The following STAB2 variants were observed in gnomAD, a reference collection of about 807,000 sequenced individuals.
The protein encoded by STAB2 is stabilin 2.
Under a neutral mutation model 338.1 loss-of-function variants are expected in STAB2, and 288 were observed. The observed-to-expected ratio is 0.85, with a 90% confidence interval of 0.77 to 0.94. STAB2 has a LOEUF of 0.94. Ranked by LOEUF, STAB2 falls within the 40% of genes least tolerant of loss-of-function variation. STAB2 has a pLI of 0.00. For missense variants in STAB2, 3,141 were observed against 3,210.1 expected (o/e 0.98, Z 0.52); for synonymous variants, 1,202 against 1,193.3 (o/e 1.01, Z -0.15).
chr12:103,758,804 C>T (rs1274441383), intron 64 of STAB2, among the ~76,000 whole-genome samples: 3 of 152,342 alleles, frequency 2.0e-5, no homozygotes, highest in Non-Finnish European at 4.4e-5. Context: ...ATTCAATTCA[C>T]GCACAGGTGG....
At chr12:103,724,525 C>T (rs752222385) in intron 44 of STAB2, among the ~76,000 whole-genome samples, 1 of 152,156 alleles carries the variant, frequency 6.6e-6, no homozygotes, top group African/African-American at 2.4e-5. Context: ...TATTTTAGGT[C>T]TCTGCCCATC....
rs911204292 is a variant in STAB2 at position 103,638,335 on chromosome 12, C to T, written c.906+123C>T. 5.5e-6 allele frequency: 6 copies of T among 1,087,880 alleles called. No homozygotes were observed. In the East Asian group the frequency reaches 1.3e-4, roughly 24 times the overall value. The allele number at this position is 1,087,880 out of a possible 1,614,324, so 67.4% of individuals were successfully genotyped here. ...TTTCAATGTTCCGCTTGGTCTTCCCCTCCAGACAGTCCTCCATGTGCTCAG... is the reference window on the plus strand; with the variant it reads ...TTTCAATGTTCCGCTTGGTCTTCCCTTCCAGACAGTCCTCCATGTGCTCAG... On this transcript the variant is annotated intron_variant, in intron 8 of 68. Coordinates refer to ENST00000388887, the MANE Select transcript of STAB2 (RefSeq NM_017564.10).
In STAB2 at chr12:103,744,620, C is replaced by T. The variant is rs116167636; in HGVS notation, c.6032-553C>T. Among the ~76,000 whole-genome samples, 465 of 152,050 alleles carry T rather than the reference C, an allele frequency of 3.1e-3. 2 individuals are homozygous for T. Among genetic ancestry groups the T allele is most frequent in the African/African-American group, 0.011 (439 of 41,446 alleles). ...TAGCTGGGACTAAAGGCGTGTACCA[C>T]GACATCTGGCTAATTTTTGTTTGTT... On this transcript the variant is annotated intron_variant, in intron 56 of 68. Coordinates refer to ENST00000388887, the MANE Select transcript of STAB2 (RefSeq NM_017564.10).
chr12:103,690,635 C>A, intron 30 of STAB2, 97 bp downstream of exon 30: 4 of 999,906 alleles, frequency 4.0e-6, no homozygotes, highest in South Asian at 1.6e-5. Context: ...TCCAAACATG[C>A]GCAAAACTAC....
At chr12:103,646,726 G>A (rs917305760) in intron 9 of STAB2, among the ~76,000 whole-genome samples, 3 of 152,154 alleles carry the variant, frequency 2.0e-5, no homozygotes, top group Non-Finnish European at 4.4e-5. Flanking sequence ...TAAATAATCA[G>A]TAAATAATCA....
chr12:103,717,643 C>T, intron 43 of STAB2, 127 bp from the exon 44 acceptor site: 1 of 712,662 alleles, frequency 1.4e-6, no homozygotes, highest in East Asian at 2.6e-5. Flanking sequence ...TAGATATTAC[C>T]AACGTCAAAT....
At chr12:103,668,934 C>T in intron 20 of STAB2, 9 of 532,672 alleles carry the variant, frequency 1.7e-5, no homozygotes, top group Non-Finnish European at 2.7e-5. Flanking sequence ...TCCCTACCCT[C>T]TTAACACAGA....
At chr12:103,712,594 G>A in intron 41 of STAB2, 151 bp downstream of exon 41, 1 of 665,992 alleles carries the variant, frequency 1.5e-6, no homozygotes, top group East Asian at 2.7e-5. Context: ...TTGTGCCTGG[G>A]GACAGGAAAC....
rs140723027 is a variant in STAB2 at position 103,618,604 on chromosome 12, G to A, written c.332-1864G>A. Among the ~76,000 whole-genome samples, 130 of 152,306 alleles carry A rather than the reference G, an allele frequency of 8.5e-4. 2 individuals carry two copies. The highest frequency in any genetic ancestry group is 3.1e-3 in the African/African-American group (128 of 41,574). On this transcript the variant is annotated intron_variant, in intron 3 of 68. Transcript: ENST00000388887. Reference sequence around the variant, plus strand: ...AGGTCTTATGTGATGGGGATGAGAGGGAAGGGACAGCAGGAAGGTGGTCAC... The same window carrying A: ...AGGTCTTATGTGATGGGGATGAGAGAGAAGGGACAGCAGGAAGGTGGTCAC...
chr12:103,729,073 TCATCCTCAGCAAA>T (rs1243819360), intron 48 of STAB2, 78 bp downstream of exon 48: 1 of 1,421,450 alleles, frequency 7.0e-7, no homozygotes, highest in African/African-American at 1.4e-5. Flanking sequence ...CTGGAGGCCA[TCATCCTCAGCAAA>T]CTAATGCAGG....
chr12:103,601,790 A>G (rs1476592147), intron 3 of STAB2, among the ~76,000 whole-genome samples: 1 of 152,216 alleles, frequency 6.6e-6, no homozygotes, highest in African/African-American at 2.4e-5. Flanking sequence ...TGTGTTTAAA[A>G]ATAGACATTT....
intron 6 of STAB2, among the ~76,000 whole-genome samples, chr12:103,633,428 A>G (rs188893144): frequency 2.8e-4 from 43 of 152,374 alleles, no homozygotes; most frequent in Non-Finnish European, 6.0e-4. Context: ...CATGCCTGTA[A>G]TTCCAGCACT....
intron 68 of STAB2, among the ~76,000 whole-genome samples, chr12:103,765,568 A>T (rs1884882266): frequency 6.6e-6 from 1 of 152,260 alleles, no homozygotes; most frequent in East Asian, 1.9e-4. Flanking sequence ...CCACCTCTAG[A>T]GTGTGGCCTT....
At chr12:103,757,090 T>A (rs932068644) in intron 63 of STAB2, among the ~76,000 whole-genome samples, 1 of 149,492 alleles carries the variant, frequency 6.7e-6, no homozygotes, top group Non-Finnish European at 1.5e-5. Flanking sequence ...TTATATATAT[T>A]TTGTTTGTTT....
In STAB2 at chr12:103,685,094, C is replaced by T. The variant is rs767993796; in HGVS notation, c.2997+10C>T. ...TGGAAACGCAGCAGTGGTAAGTCAT[C>T]GATGATGAACTCAATAATATAGACA... is the stretch of plus-strand genomic sequence containing the variant. On this transcript the variant is annotated intron_variant, in intron 27 of 68. Coordinates refer to ENST00000388887, the MANE Select transcript of STAB2 (RefSeq NM_017564.10). 144 of 1,611,548 alleles carry T rather than the reference C, an allele frequency of 8.9e-5. No homozygotes were observed. Among genetic ancestry groups the T allele is most frequent in the Non-Finnish European group, 1.1e-4 (128 of 1,178,024 alleles).
intron 15 of STAB2, among the ~76,000 whole-genome samples, chr12:103,656,981 C>T (rs535235305): frequency 7.9e-5 from 12 of 152,074 alleles, no homozygotes; most frequent in South Asian, 6.2e-4. Flanking sequence ...CCACCGCGCC[C>T]GGCCAGGATT....
At position 103,655,612 on chromosome 12, in the gene STAB2, G is replaced by A. The variant is rs79480531; in HGVS notation, c.1734+31G>A. 2.7e-3 allele frequency: 4,359 copies of A among 1,611,638 alleles called. 104 individuals carry two copies. In the African/African-American group the frequency reaches 0.049, roughly 18 times the overall value. ...GTATTCTGCTTGCTCTGATGGCATC[G>A]TGTCAGCAGCACTGCCTCAGTCTGT... On this transcript the variant is annotated intron_variant, in intron 15 of 68. Transcript: ENST00000388887.
intron 34 of STAB2, among the ~76,000 whole-genome samples, chr12:103,700,533 C>T (rs1449025608): frequency 6.6e-6 from 1 of 152,190 alleles, no homozygotes; most frequent in African/African-American, 2.4e-5. Context: ...TCTCAGACTC[C>T]TACAGATAAG....
At chr12:103,674,192 G>GA in intron 23 of STAB2, 105 bp downstream of exon 23, 1 of 1,281,636 alleles carries the variant, frequency 7.8e-7, no homozygotes, top group Non-Finnish European at 1.1e-6. Context: ...ACCCATATCT[G>GA]AACTCTGAAC....
Sources: gnomAD v4.1 joint callset for allele counts (sites outside exome capture counted in the v4.1 genomes callset) on GRCh38, gnomAD v4.1.1 for gene constraint, MANE v1.5 for transcripts, NCBI Gene and HGNC (gene_info 2026-07-23, HGNC 2026-07-21) for gene names.